Variants in UBR4 observed in about 807,000 individuals in gnomAD.
The protein encoded by UBR4 is E3 ubiquitin-protein ligase UBR4.
A neutral mutation model predicts 575.6 loss-of-function variants in UBR4; 124 were observed. The ratio of observed to expected loss-of-function variants is 0.22; its 90% CI spans 0.19 to 0.25. UBR4 has a LOEUF of 0.25. UBR4 is among the 10% of genes least tolerant of loss of function. The pLI is 1.00. For synonymous variants in UBR4, 2,455 were observed against 2,473.7 expected (o/e 0.99, Z 0.22); for missense variants, 4,818 against 6,478.8 (o/e 0.74, Z 8.80).
intron 53 of UBR4, among the ~76,000 whole-genome samples, chr1:19,145,199 T>C (rs1457220285): frequency 6.6e-6 from 1 of 152,092 alleles, no homozygotes; most frequent in African/African-American, 2.4e-5. Flanking sequence ...GGCAAGGAAA[T>C]ATGAAGAGGA....
chr1:19,115,996 A>C (rs1222973893), intron 73 of UBR4, among the ~76,000 whole-genome samples: 1 of 152,222 alleles, frequency 6.6e-6, no homozygotes, highest in Non-Finnish European at 1.5e-5. Flanking sequence ...CCTGACAGCA[A>C]CCTTGGAAAG....
chr1:19,174,273 A>G (rs1171464608), intron 22 of UBR4, 46 bp downstream of exon 22: 3 of 1,565,080 alleles, frequency 1.9e-6, no homozygotes, highest in South Asian at 2.4e-5. Flanking sequence ...GAAATGATCA[A>G]TGATCAAACA....
At chr1:19,075,986 G>A (rs1403090716) in intron 105 of UBR4, among the ~76,000 whole-genome samples, 5 of 152,210 alleles carry the variant, frequency 3.3e-5, no homozygotes, top group East Asian at 1.9e-4. Context: ...TTTGTAGGGC[G>A]GGTGCTCTGA....
intron 84 of UBR4, 110 bp from the exon 85 acceptor site, chr1:19,105,299 C>G: frequency 7.6e-7 from 1 of 1,321,904 alleles, no homozygotes; most frequent in Non-Finnish European, 1.0e-6. Context: ...GTCTGTCTCT[C>G]CTGCTTCCTA....
chr1:19,112,902 C>T, intron 77 of UBR4, 35 bp from the exon 78 acceptor site: 1 of 1,514,314 alleles, frequency 6.6e-7, no homozygotes, highest in African/African-American at 1.4e-5. Flanking sequence ...TGGGAATTAG[C>T]AATTAAAATA....
intron 63 of UBR4, 46 bp downstream of exon 63, chr1:19,127,577 A>T (rs2081963482): frequency 6.6e-7 from 1 of 1,507,426 alleles, no homozygotes; most frequent in South Asian, 1.1e-5. Context: ...CTACCCAGAC[A>T]ATCCGCTTAC....
Position 19,210,085 on chromosome 1 carries a change from G to C in UBR4, c.164C>G (p.Ser55Ter). The C allele has an allele frequency of 6.4e-7, 1 of 1,570,356 alleles. No individual in the cohort carries two copies. The highest frequency in any genetic ancestry group is 8.6e-7 in the Non-Finnish European group (1 of 1,160,818). The stretch of plus-strand genomic sequence containing the variant: ...CGCCGCCCGGTACCTCTCGATGACT[G>C]AGGCCACCAGCTGCGGCAACTCCTT... ...EMKELPQLVA[S>*]VIESESEILH... is the part of the protein sequence containing the mutation. The change falls in exon 1 of 106, where the codon TCA (serine) becomes TGA (stop). Residue 55 changes from serine (S) to a stop codon, truncating the protein, a stop_gained. Transcript: ENST00000375254. LOFTEE classifies it high-confidence loss of function.
In UBR4 at chr1:19,110,543, G is replaced by C; in HGVS notation, c.11893-79C>G. Reference sequence around the variant, plus strand: ...ACTCTTAACTATTAATACAATTTCTGGTCCTAGGTGGCTCCAACAGAGACA... The same window carrying C: ...ACTCTTAACTATTAATACAATTTCTCGTCCTAGGTGGCTCCAACAGAGACA... On this transcript the variant is annotated intron_variant, in intron 79 of 105. Transcript: ENST00000375254. This position sits in a 1 kb window ranked among gnomAD's most constrained non-coding sequence, Gnocchi z 4.5. The C allele has an allele frequency of 8.1e-6, 12 of 1,479,850 alleles. No individual in the cohort carries two copies. In the South Asian group the frequency reaches 1.4e-4, roughly 18 times the overall value. The allele number at this position is 1,479,850 out of a possible 1,614,324, so 91.7% of individuals were successfully genotyped here. A position where few individuals can be genotyped will look rare whatever the true frequency, so the allele number is the denominator to read the frequency against.
At chr1:19,201,896 T>C in intron 1 of UBR4, 81 bp from the exon 2 acceptor site, 1 of 1,214,028 alleles carries the variant, frequency 8.2e-7, no homozygotes, top group Non-Finnish European at 1.2e-6. Context: ...TATTACATTA[T>C]TTAATCCTTA....
At position 19,160,863 on chromosome 1, in the gene UBR4, A is replaced by G. The variant is rs1369817345; in HGVS notation, c.5406+54T>C. On this transcript the variant is annotated intron_variant, in intron 38 of 105. Transcript: ENST00000375254. ...ATGTGCATTATTTACTCTCACACCA[A>G]TTCAACAGGCTCTGAACTCTGTCTG... 3.2e-6 allele frequency: 5 copies of G among 1,567,470 alleles called. No homozygotes were observed. In the African/African-American group the frequency reaches 4.1e-5, roughly 13 times the overall value.
intron 30 of UBR4, 39 bp from the exon 31 acceptor site, chr1:19,165,388 T>C (rs1353661078): frequency 2.0e-5 from 31 of 1,523,066 alleles, no homozygotes; most frequent in Non-Finnish European, 2.6e-5. Context: ...AAGAATCACA[T>C]TAAAGCCCCA....
At chr1:19,081,647 G>T in intron 102 of UBR4, 74 bp from the exon 103 acceptor site, 1 of 1,533,264 alleles carries the variant, frequency 6.5e-7, no homozygotes, top group Non-Finnish European at 9.0e-7. Flanking sequence ...GGAAGAATTT[G>T]CTCAATTTGT....
intron 88 of UBR4, among the ~76,000 whole-genome samples, chr1:19,101,134 T>C (rs1258115182): frequency 6.6e-6 from 1 of 152,178 alleles, no homozygotes; most frequent in Non-Finnish European, 1.5e-5. Flanking sequence ...ACACGCTGCA[T>C]GTGTGCACAA....
intron 11 of UBR4, among the ~76,000 whole-genome samples, chr1:19,189,138 C>A (rs1442345503): frequency 2.0e-5 from 3 of 151,742 alleles, no homozygotes; most frequent in African/African-American, 7.3e-5. Flanking sequence ...AATATCATAG[C>A]ATTCTCTCCT....
chr1:19,166,711 T>C (rs925165106), intron 29 of UBR4, among the ~76,000 whole-genome samples: 15 of 83,602 alleles, frequency 1.8e-4, no homozygotes, highest in African/African-American at 7.2e-4. Flanking sequence ...ACTCCATCTC[T>C]ACCAAAAAAA....
chr1:19,173,272 T>A lies in UBR4; in HGVS notation c.3200A>T (p.His1067Leu), dbSNP rs1172174957. The A allele has an allele frequency of 1.9e-6, 3 of 1,614,124 alleles. No individual in the cohort carries two copies. The highest frequency in any genetic ancestry group is 2.2e-5 in the East Asian group (1 of 44,898). The change falls in exon 24 of 106, where the codon CAT becomes CTT. Residue 1067 changes from histidine (H) to leucine (L), a missense_variant. Coordinates refer to ENST00000375254, the MANE Select transcript of UBR4 (RefSeq NM_020765.3). ...HLIKQGMKAE[H>L]ASSLLELAST... ...TGCCAGTTCTAGAAGCGAGCTAGCA[T>A]GCTCAGCCTTCATTCCCTGTTTGAT...
At chr1:19,205,255 A>T (rs936189148) in intron 1 of UBR4, among the ~76,000 whole-genome samples, 1 of 152,224 alleles carries the variant, frequency 6.6e-6, no homozygotes, top group East Asian at 1.9e-4. Flanking sequence ...ATGTGTAAGT[A>T]AAAAAAGAAC....
At position 19,139,764 on chromosome 1, in the gene UBR4, G is replaced by C. The variant is rs1051495373; in HGVS notation, c.8594-544C>G. The stretch of plus-strand genomic sequence containing the variant: ...CCCTGTTTTGGTTTTTTTAGCAAGT[G>C]GTCCAGAGGGGAGCTCATTGGGAAA... On this transcript the variant is annotated intron_variant, in intron 58 of 105. Transcript: ENST00000375254. The surrounding 1 kb of genome is among the most constrained non-coding windows in gnomAD (Gnocchi z 4.2). Among the ~76,000 whole-genome samples the C allele has an allele frequency of 8.5e-5, 13 of 152,104 alleles. No individual in the cohort carries two copies. The highest frequency in any genetic ancestry group is 2.4e-4 in the African/African-American group (10 of 41,416).
intron 58 of UBR4, among the ~76,000 whole-genome samples, 172 bp downstream of exon 58, chr1:19,140,616 G>A (rs527352715): frequency 1.3e-5 from 2 of 152,322 alleles, no homozygotes; most frequent in African/African-American, 2.4e-5. Flanking sequence ...TGTGCGCGGC[G>A]GGGCCGAGCC....
Sources: allele counts gnomAD v4.1 joint callset (sites outside exome capture counted in the v4.1 genomes callset), GRCh38; gene constraint gnomAD v4.1.1; non-coding constraint Gnocchi (gnomAD v3.1); transcripts MANE v1.5; gene names NCBI Gene and HGNC (gene_info 2026-07-23, HGNC 2026-07-21).